SCAP: variants seen among roughly 807,000 people sequenced by gnomAD.
The protein encoded by SCAP is sterol regulatory element-binding protein cleavage-activating protein.
SCAP carries 65 observed loss-of-function variants against 123.6 expected under a neutral mutation model. The observed-to-expected ratio is 0.53, with a 90% CI of 0.43 to 0.65. The LOEUF is 0.65. Ranked by LOEUF, SCAP falls within the 30% of genes least tolerant of loss-of-function variation. SCAP has a pLI of 0.00. For synonymous variants in SCAP, 740 were observed against 726.3 expected (o/e 1.02, Z -0.30); for missense variants, 1,398 against 1,712.5 (o/e 0.82, Z 3.24).
At chr3:47,448,236 G>T (rs1707125983) in intron 1 of SCAP, among the ~76,000 whole-genome samples, 1 of 151,882 alleles carries the variant, frequency 6.6e-6, no homozygotes, top group Non-Finnish European at 1.5e-5. Flanking sequence ...TCACTTTTTA[G>T]CAACTATGTT....
At chr3:47,465,636 G>T (rs1707796335) in intron 1 of SCAP, among the ~76,000 whole-genome samples, 1 of 151,984 alleles carries the variant, frequency 6.6e-6, no homozygotes, top group Non-Finnish European at 1.5e-5. Context: ...AGGCACAGTA[G>T]TACATTCCTG....
At chr3:47,470,441 A>G (rs926093538) in intron 1 of SCAP, among the ~76,000 whole-genome samples, 1 of 152,212 alleles carries the variant, frequency 6.6e-6, no homozygotes, top group African/African-American at 2.4e-5. Context: ...GGTAAAAAGG[A>G]TTAAGTGAAC....
At chr3:47,476,590 C>G (rs984834711), upstream of SCAP, among the ~76,000 whole-genome samples, 1 of 152,224 alleles carries the variant, frequency 6.6e-6, no homozygotes, top group East Asian at 1.9e-4. Flanking sequence ...CCATTTTCCA[C>G]AGGGAACAGG....
At chr3:47,428,873 T>C (rs1472681817) in intron 3 of SCAP, 2 of 540,510 alleles carry the variant, frequency 3.7e-6, no homozygotes, top group African/African-American at 3.8e-5. Flanking sequence ...CCTCCGCTTA[T>C]GAGATAAAAG....
chr3:47,434,182 G>A (rs1706476628), intron 3 of SCAP, among the ~76,000 whole-genome samples: 1 of 152,196 alleles, frequency 6.6e-6, no homozygotes. Flanking sequence ...AACCAAAAAG[G>A]AAATGGGAAT....
At chr3:47,422,406 C>G in intron 10 of SCAP, 36 bp downstream of exon 10, 1 of 1,585,144 alleles carries the variant, frequency 6.3e-7, no homozygotes. Context: ...GCAGTTGCTT[C>G]CATGCTCATC....
chr3:47,449,050 TATG>T (rs1255003434), intron 1 of SCAP, among the ~76,000 whole-genome samples: 6 of 152,202 alleles, frequency 3.9e-5, no homozygotes, highest in Admixed American at 3.9e-4. Context: ...GTGGTACCAA[TATG>T]ATATCAGTTT....
chr3:47,447,184 G>A (rs755711364), intron 1 of SCAP, among the ~76,000 whole-genome samples: 9 of 151,598 alleles, frequency 5.9e-5, no homozygotes, highest in Admixed American at 2.0e-4. Context: ...TGGGCGGATC[G>A]CTTGAGGCCA....
At chr3:47,415,250 A>G in intron 18 of SCAP, 70 bp from the exon 19 acceptor site, 2 of 1,433,822 alleles carry the variant, frequency 1.4e-6, no homozygotes. Flanking sequence ...GCATGTGGAC[A>G]TGAGAGTTAA....
chr3:47,424,974 C>T (rs1706061357), intron 8 of SCAP, among the ~76,000 whole-genome samples: 1 of 152,000 alleles, frequency 6.6e-6, no homozygotes, highest in Non-Finnish European at 1.5e-5. Context: ...GTGAAAAAGG[C>T]GACAAATTAC....
chr3:47,446,744 C>G (rs1343528066), intron 1 of SCAP, among the ~76,000 whole-genome samples: 1 of 151,466 alleles, frequency 6.6e-6, no homozygotes, highest in Non-Finnish European at 1.5e-5. Context: ...AGTTTGAGAC[C>G]AGCCTGGACA....
chr3:47,460,443 A>G (rs2107991287), intron 1 of SCAP, among the ~76,000 whole-genome samples: 1 of 152,340 alleles, frequency 6.6e-6, no homozygotes, highest in South Asian at 2.1e-4. Flanking sequence ...ATATGTCCAT[A>G]TTAAAATGAA....
chr3:47,453,442 G>T (rs1273341505), intron 1 of SCAP, among the ~76,000 whole-genome samples: 2 of 151,504 alleles, frequency 1.3e-5, no homozygotes, highest in African/African-American at 4.8e-5. Context: ...CAAAAGTTCT[G>T]AATGGCTCTC....
At chr3:47,473,363 T>C (rs919120159) in intron 1 of SCAP, among the ~76,000 whole-genome samples, 12 of 152,118 alleles carry the variant, frequency 7.9e-5, no homozygotes, top group Non-Finnish European at 1.5e-4. Flanking sequence ...CCCAGAATTA[T>C]TACTCTGAGT....
At position 47,439,813 on chromosome 3, in the gene SCAP, G is replaced by A. The variant is rs182055526; in HGVS notation, c.122+3059C>T. On this transcript the variant is annotated intron_variant, in intron 2 of 22. Coordinates refer to ENST00000265565, the MANE Select transcript of SCAP (RefSeq NM_012235.4). This position sits in a 1 kb window ranked among gnomAD's most constrained non-coding sequence, Gnocchi z 4.0. ...CAGCTAACTCTAGCTCACCTGCAAGGCTCAGCACTGGGTTCATTTGAAGTA... is the reference window on the plus strand; with the variant it reads ...CAGCTAACTCTAGCTCACCTGCAAGACTCAGCACTGGGTTCATTTGAAGTA... Among the ~76,000 whole-genome samples the A allele has an allele frequency of 5.3e-5, 8 of 152,330 alleles. No homozygotes were observed. Among genetic ancestry groups the A allele is most frequent in the African/African-American group, 1.9e-4 (8 of 41,568 alleles).
rs1335745700 is a variant in SCAP at position 47,425,471 on chromosome 3, T to C, written c.1037+14A>G. 1.2e-6 allele frequency: 2 copies of C among 1,612,756 alleles called. No homozygotes were observed. The highest frequency in any genetic ancestry group is 3.3e-5 in the Admixed American group (2 of 59,962). On this transcript the variant is annotated intron_variant, in intron 8 of 22. Transcript: ENST00000265565. ...GCCCACCCTGTGGCCCAGTGGAGCC[T>C]GCTAGGGACCTACCCGCCATTGAGG...
chr3:47,419,843 T>G lies in SCAP; in HGVS notation c.1564-139A>C. 1 of 951,508 alleles carries G rather than the reference T, an allele frequency of 1.1e-6. No homozygotes were observed. Among genetic ancestry groups the G allele is most frequent in the Non-Finnish European group, 1.5e-6 (1 of 687,690 alleles). The allele number at this position is 951,508 out of a possible 1,614,324, so 58.9% of individuals were successfully genotyped here. On this transcript the variant is annotated intron_variant, in intron 12 of 22. Transcript: ENST00000265565. This position sits in a 1 kb window ranked among gnomAD's most constrained non-coding sequence, Gnocchi z 5.0. ...GGACACAGGCCCCACTGCGTCCTTT[T>G]CTCCTGCCTCTCCAAGTCCTCCTGC...
intron 1 of SCAP, among the ~76,000 whole-genome samples, chr3:47,457,379 C>A (rs1189288407): frequency 6.6e-6 from 1 of 152,128 alleles, no homozygotes; most frequent in Non-Finnish European, 1.5e-5. Flanking sequence ...GAACTTCCAC[C>A]TTGCTCATTC....
intron 4 of SCAP, 141 bp downstream of exon 4, chr3:47,428,372 C>G (rs1706227839): frequency 2.2e-6 from 2 of 907,832 alleles, no homozygotes; most frequent in Non-Finnish European, 3.4e-6. Flanking sequence ...CTGAGAAATT[C>G]AAGGCTAGCT....
Sources: allele counts gnomAD v4.1 joint callset (sites outside exome capture counted in the v4.1 genomes callset), GRCh38; gene constraint gnomAD v4.1.1; non-coding constraint Gnocchi (gnomAD v3.1); transcripts MANE v1.5; gene names NCBI Gene and HGNC (gene_info 2026-07-23, HGNC 2026-07-21).